The following MAP4K5 variants were observed in gnomAD, a reference collection of about 807,000 sequenced individuals.
MAP4K5 encodes mitogen-activated protein kinase kinase kinase kinase 5.
A neutral mutation model predicts 135.6 loss-of-function variants in MAP4K5; 82 were observed. The ratio of observed to expected loss-of-function variants is 0.60; its 90% CI spans 0.51 to 0.73. The LOEUF (loss-of-function observed/expected upper bound fraction) is 0.73, where lower values mean the gene tolerates loss of function less well. Ranked by LOEUF, MAP4K5 falls within the 30% of genes least tolerant of loss-of-function variation. MAP4K5 has a pLI of 0.00. For missense variants in MAP4K5, 907 were observed against 1,010.9 expected (o/e 0.90, Z 1.39); for synonymous variants, 347 against 335.0 (o/e 1.04, Z -0.39).
At chr14:50,467,455 A>G (rs2036857987) in intron 10 of MAP4K5, among the ~76,000 whole-genome samples, 2 of 152,074 alleles carry the variant, frequency 1.3e-5, no homozygotes. Context: ...CTAAATGCTT[A>G]CCAATTACAT....
chr14:50,483,605 G>A (rs2037299483), intron 5 of MAP4K5, among the ~76,000 whole-genome samples: 1 of 150,384 alleles, frequency 6.6e-6, no homozygotes, highest in African/African-American at 2.4e-5. Flanking sequence ...CTAACTACCG[G>A]GATGGGTACT....
At chr14:50,519,224 T>C (rs1441806113) in intron 2 of MAP4K5, among the ~76,000 whole-genome samples, 7 of 152,064 alleles carry the variant, frequency 4.6e-5, no homozygotes, top group Middle Eastern at 3.4e-3. Context: ...ATCTATATAA[T>C]ATATACTGTA....
At chr14:50,471,967 T>C (rs1054782426) in intron 9 of MAP4K5, 1 of 152,484 alleles carries the variant, frequency 6.6e-6, no homozygotes. Context: ...TGAAAGCTCA[T>C]ACTGGAGAGA....
chr14:50,487,646 T>G (rs756081870), intron 3 of MAP4K5, among the ~76,000 whole-genome samples: 1 of 152,262 alleles, frequency 6.6e-6, no homozygotes, highest in African/African-American at 2.4e-5. Flanking sequence ...TTCTTAATGG[T>G]TTTACAATAA....
In MAP4K5 at chr14:50,435,077, TAA is replaced by T. The variant is rs1179395942; in HGVS notation, c.1883-14_1883-13del. 13 of 1,487,842 alleles carry T rather than the reference TAA, an allele frequency of 8.7e-6. No individual in the cohort carries two copies. Among genetic ancestry groups the T allele is most frequent in the Non-Finnish European group, 1.1e-5 (12 of 1,075,194 alleles). 92.2% of individuals were successfully genotyped at this position (1,487,842 alleles called of 1,614,324 possible). ...GTAAGGGTTTCTGACTGGAAAGAAA[TAA>T]ACAAACAAAAAACCCAGACACACTC... On this transcript the variant is annotated splice_polypyrimidine_tract_variant and intron_variant, in intron 26 of 32. Transcript: ENST00000682126.
chr14:50,509,408 CT>C (rs2037883191), intron 2 of MAP4K5, among the ~76,000 whole-genome samples: 1 of 152,120 alleles, frequency 6.6e-6, no homozygotes, highest in African/African-American at 2.4e-5. Context: ...ACAGTGGTAA[CT>C]TTTGTTGAAA....
rs1470693561 is a variant in MAP4K5, at chr14:50,444,922, A to G, written c.1339+119T>C. On this transcript the variant is annotated intron_variant, in intron 18 of 32. Transcript: ENST00000682126. ...CTATAATAGGATTGACTAAATAAAAAAGATATTTTTTGAAATAGGAACAAA... is the reference window on the plus strand; with the variant it reads ...CTATAATAGGATTGACTAAATAAAAGAGATATTTTTTGAAATAGGAACAAA... 2.7e-6 allele frequency: 3 copies of G among 1,120,690 alleles called. No homozygotes were observed. In the Admixed American group the frequency reaches 8.6e-5, roughly 32 times the overall value. 69.4% of individuals were successfully genotyped at this position (1,120,690 alleles called of 1,614,324 possible).
At chr14:50,478,791 T>C (rs888707857) in intron 6 of MAP4K5, among the ~76,000 whole-genome samples, 6 of 152,144 alleles carry the variant, frequency 3.9e-5, no homozygotes, top group South Asian at 2.1e-4. Flanking sequence ...ATTTTGCCTT[T>C]GTTTTTGAAA....
chr14:50,516,408 AAC>A (rs1405160249), intron 2 of MAP4K5, among the ~76,000 whole-genome samples: 1 of 152,232 alleles, frequency 6.6e-6, no homozygotes, highest in Non-Finnish European at 1.5e-5. Flanking sequence ...TAAGCTGCTT[AAC>A]AAGAGCTAAC....
chr14:50,453,891 G>C (rs1362786794), intron 14 of MAP4K5, among the ~76,000 whole-genome samples: 1 of 152,132 alleles, frequency 6.6e-6, no homozygotes, highest in African/African-American at 2.4e-5. Flanking sequence ...CAGTAAACCT[G>C]ACTTTGTTGG....
intron 10 of MAP4K5, among the ~76,000 whole-genome samples, chr14:50,466,999 C>G (rs1055527524): frequency 6.6e-6 from 1 of 152,146 alleles, no homozygotes; most frequent in Non-Finnish European, 1.5e-5. Context: ...ACATGTTACT[C>G]TAACATTAGG....
intron 9 of MAP4K5, among the ~76,000 whole-genome samples, chr14:50,472,838 TGAAAA>T (rs1318575585): frequency 3.9e-5 from 6 of 152,194 alleles, no homozygotes; most frequent in African/African-American, 1.4e-4. Context: ...GAATGCCTAT[TGAAAA>T]GAAATCTTAT....
rs74702529 is a variant in MAP4K5 at position 50,542,104 on chromosome 14, T to G, written c.-94+395A>C. 5.8e-3 allele frequency among the ~76,000 whole-genome samples: 872 copies of G among 150,474 alleles called. 13 individuals carry two copies. The highest frequency in any genetic ancestry group is 0.02 in the African/African-American group (821 of 40,890). On this transcript the variant is annotated intron_variant, in intron 2 of 8. Transcript: ENST00000555216. ...TCTGTTTGAAAGGCAACTCTTGATT[T>G]ACTTCTAGGTCTTAGTAGAGGCTAG...
chr14:50,441,787 CACACACACACATAT>C (rs2036235494), intron 21 of MAP4K5, among the ~76,000 whole-genome samples: 1 of 81,984 alleles, frequency 1.2e-5, no homozygotes, highest in Non-Finnish European at 2.9e-5. Context: ...CACACACACA[CACACACACACATAT>C]ATATACCCCC....
chr14:50,430,999 C>T (rs2035956590), intron 28 of MAP4K5, among the ~76,000 whole-genome samples: 1 of 152,162 alleles, frequency 6.6e-6, no homozygotes, highest in Non-Finnish European at 1.5e-5. Context: ...GCCTGCTTCC[C>T]CCATTTCCTT....
At chr14:50,545,159 G>A (rs1023222853) in intron 1 of MAP4K5, among the ~76,000 whole-genome samples, 1 of 152,086 alleles carries the variant, frequency 6.6e-6, no homozygotes, top group Non-Finnish European at 1.5e-5. Flanking sequence ...AACACAGTAG[G>A]CAAAGAGCCA....
At chr14:50,473,885 G>A (rs1035038079) in intron 9 of MAP4K5, among the ~76,000 whole-genome samples, 27 of 151,794 alleles carry the variant, frequency 1.8e-4, no homozygotes, top group African/African-American at 4.8e-4. Context: ...CACGACGCCC[G>A]GCTAATTTTT....
chr14:50,471,421 G>A (rs750739392), intron 9 of MAP4K5, among the ~76,000 whole-genome samples: 3 of 152,130 alleles, frequency 2.0e-5, no homozygotes, highest in East Asian at 1.9e-4. Context: ...ACTACATGAT[G>A]TAAGAAACAT....
intron 28 of MAP4K5, 115 bp from the exon 29 acceptor site, chr14:50,429,375 G>T (rs1333780448): frequency 3.2e-6 from 2 of 618,474 alleles, no homozygotes; most frequent in Admixed American, 3.1e-5. Flanking sequence ...ATTTAACACA[G>T]AATTTATATT....
Sources: gnomAD v4.1 joint callset for allele counts (sites outside exome capture counted in the v4.1 genomes callset) on GRCh38, gnomAD v4.1.1 for gene constraint, MANE v1.5 for transcripts, NCBI Gene and HGNC (gene_info 2026-07-23, HGNC 2026-07-21) for gene names.